The following SLC1A3 variants were observed in gnomAD, a reference collection of about 807,000 sequenced individuals.
SLC1A3 encodes excitatory amino acid transporter 1.
Under a neutral mutation model 48.1 loss-of-function variants are expected in SLC1A3, and 21 were observed. That is an observed-to-expected ratio of 0.44 (90% CI 0.31 to 0.63). The LOEUF is 0.63. SLC1A3 is among the 20% of genes least tolerant of loss of function. The pLI is 0.08. For missense variants in SLC1A3, 546 were observed against 689.0 expected (o/e 0.79, Z 2.32); for synonymous variants, 239 against 251.4 (o/e 0.95, Z 0.47).
At chr5:36,624,811 T>C (rs1226518701) in intron 2 of SLC1A3, among the ~76,000 whole-genome samples, 1 of 152,204 alleles carries the variant, frequency 6.6e-6, no homozygotes. Context: ...AAGGATTTGG[T>C]ATAGCCATTT....
chr5:36,624,875 AG>A (rs1739840037), intron 2 of SLC1A3, among the ~76,000 whole-genome samples: 1 of 152,210 alleles, frequency 6.6e-6, no homozygotes, highest in Admixed American at 6.5e-5. Context: ...AGACCTGTAA[AG>A]GGTTCCAAGA....
intron 3 of SLC1A3, among the ~76,000 whole-genome samples, chr5:36,661,021 A>T (rs1741488366): frequency 6.6e-6 from 1 of 152,036 alleles, no homozygotes; most frequent in Admixed American, 6.6e-5. Context: ...ATCACCAAAG[A>T]TTTCATTTTG....
intron 3 of SLC1A3, among the ~76,000 whole-genome samples, chr5:36,630,678 A>T (rs2111760826): frequency 6.6e-6 from 1 of 152,310 alleles, no homozygotes; most frequent in Non-Finnish European, 1.5e-5. Flanking sequence ...GTACAACTCA[A>T]AAGTCATGGA....
chr5:36,652,524 T>A (rs1165291814), intron 3 of SLC1A3, among the ~76,000 whole-genome samples: 1 of 152,210 alleles, frequency 6.6e-6, no homozygotes, highest in Non-Finnish European at 1.5e-5. Context: ...GTGTTTGGTG[T>A]GTTCTTTTCA....
intron 6 of SLC1A3, among the ~76,000 whole-genome samples, chr5:36,677,922 G>C (rs574244572): frequency 6.6e-6 from 1 of 152,338 alleles, no homozygotes; most frequent in East Asian, 1.9e-4. Context: ...AGATTCACAG[G>C]AAGTATTACA....
intron 3 of SLC1A3, among the ~76,000 whole-genome samples, chr5:36,632,297 A>G (rs1363508042): frequency 6.6e-6 from 1 of 152,244 alleles, no homozygotes; most frequent in East Asian, 1.9e-4. Context: ...AGTGCAAAGC[A>G]AACGCAGTAC....
At chr5:36,619,032 C>T (rs1391639682) in intron 2 of SLC1A3, among the ~76,000 whole-genome samples, 1 of 152,132 alleles carries the variant, frequency 6.6e-6, no homozygotes, top group South Asian at 2.1e-4. Context: ...CACATAAGTC[C>T]GTGTCTCCAC....
rs777287247 is a variant in SLC1A3 at position 36,671,130 on chromosome 5, A to C, written c.421A>C (p.Ile141Leu). The change falls in exon 4 of 10, where the codon ATT (isoleucine) becomes CTT (leucine). Residue 141 changes from isoleucine to leucine, a missense_variant. By Grantham distance (5) the Ile-to-Leu change is conservative (BLOSUM62 2). Around this residue, in one of 3 missense-constraint regions of SLC1A3, gnomAD observed 348 missense variants for 392.0 expected, o/e 0.89. Transcript: ENST00000265113. The part of the protein sequence containing the change: ...TIIAVVIGII[I>L]VIIIHPGKGT... ...CATTGCTGTGGTGATTGGCATAATC[A>C]TTGTCATCATCATCCATCCTGGGAA... is the stretch of plus-strand genomic sequence containing the variant. The C allele has an allele frequency of 1.9e-6, 3 of 1,613,804 alleles. No homozygotes were observed. Among genetic ancestry groups the C allele is most frequent in the Non-Finnish European group, 2.5e-6 (3 of 1,179,824 alleles).
chr5:36,662,587 G>C (rs1444070077), intron 3 of SLC1A3, among the ~76,000 whole-genome samples: 1 of 152,204 alleles, frequency 6.6e-6, no homozygotes, highest in East Asian at 1.9e-4. Context: ...CATATTGTGC[G>C]GCACATTCCA....
chr5:36,680,439 A>G lies in SLC1A3; in HGVS notation c.1139A>G (p.Asn380Ser). Residue 380 changes from asparagine (N) to serine (S), a missense_variant, in exon 8 of 10, where the codon AAT becomes AGT. Physicochemically the swap from Asn to Ser is conservative, Grantham distance 46 (BLOSUM62 1). Transcript: ENST00000265113. ...ACCTTCAAGTGCCTGGAAGAGAACA[A>G]TGGCGTGGACAAGCGCGTCACCAGA... The part of the protein sequence containing the change: ...PITFKCLEEN[N>S]GVDKRVTRFV... The G allele has an allele frequency of 6.2e-7, 1 of 1,614,194 alleles. No homozygotes were observed. The highest frequency in any genetic ancestry group is 8.5e-7 in the Non-Finnish European group (1 of 1,180,024).
At chr5:36,631,229 A>G (rs552835941) in intron 3 of SLC1A3, among the ~76,000 whole-genome samples, 85 of 152,324 alleles carry the variant, frequency 5.6e-4, no homozygotes, top group African/African-American at 1.9e-3. Context: ...CTTTCTCTTA[A>G]CTGTGCTGAA....
chr5:36,683,794 T>C, intron 8 of SLC1A3, 70 bp from the exon 9 acceptor site: 1 of 1,563,720 alleles, frequency 6.4e-7, no homozygotes, highest in Non-Finnish European at 8.8e-7. Flanking sequence ...CCGTGCGTAT[T>C]TTGCAGCGTA....
At chr5:36,674,173 C>T (rs913706243) in intron 5 of SLC1A3, 82 bp downstream of exon 5, 2 of 1,075,552 alleles carry the variant, frequency 1.9e-6, no homozygotes, top group South Asian at 1.3e-5. Context: ...TTTCCCTGCT[C>T]ATTTCTCTGC....
chr5:36,670,436 A>G (rs996754421), intron 3 of SLC1A3, among the ~76,000 whole-genome samples: 8 of 152,210 alleles, frequency 5.3e-5, no homozygotes, highest in Non-Finnish European at 2.9e-5. Context: ...GCCAATGTCT[A>G]CTTTAAATGC....
intron 2 of SLC1A3, among the ~76,000 whole-genome samples, chr5:36,627,695 A>T (rs1739966785): frequency 6.6e-6 from 1 of 152,206 alleles, no homozygotes; most frequent in Non-Finnish European, 1.5e-5. Context: ...TATATTCTGT[A>T]TGATTTCCAT....
At chr5:36,629,282 T>C (rs1740033705) in intron 2 of SLC1A3, among the ~76,000 whole-genome samples, 168 bp from the exon 3 acceptor site, 1 of 152,172 alleles carries the variant, frequency 6.6e-6, no homozygotes, top group Non-Finnish European at 1.5e-5. Context: ...CCCTCACAGA[T>C]AATGACTGCA....
chr5:36,683,583 C>T (rs1742523615), intron 8 of SLC1A3, among the ~76,000 whole-genome samples: 1 of 151,884 alleles, frequency 6.6e-6, no homozygotes, highest in African/African-American at 2.4e-5. Flanking sequence ...GGGCATGAAG[C>T]TGTATTCCCA....
At chr5:36,664,052 G>T (rs1443228086) in intron 3 of SLC1A3, among the ~76,000 whole-genome samples, 1 of 152,206 alleles carries the variant, frequency 6.6e-6, no homozygotes, top group Non-Finnish European at 1.5e-5. Context: ...AAGTTCTTGG[G>T]TATGGTGGAC....
At chr5:36,598,380 T>TTATTAC (rs1738767949) in intron 1 of SLC1A3, among the ~76,000 whole-genome samples, 2 of 152,246 alleles carry the variant, frequency 1.3e-5, no homozygotes, top group Admixed American at 6.5e-5. Context: ...TCTTTTATTA[T>TTATTAC]TATTACTATT....
Sources: allele counts gnomAD v4.1 joint callset (sites outside exome capture counted in the v4.1 genomes callset), GRCh38; gene constraint gnomAD v4.1.1; regional missense constraint gnomAD v4.1.1; transcripts MANE v1.5; gene names NCBI Gene and HGNC (gene_info 2026-07-23, HGNC 2026-07-21).